KDM4B: variants seen among roughly 807,000 people sequenced by gnomAD.
The protein encoded by KDM4B is lysine demethylase 4B.
A neutral mutation model predicts 125.2 loss-of-function variants in KDM4B; 32 were observed. The observed-to-expected ratio is 0.26, with a 90% CI of 0.19 to 0.34. The LOEUF is 0.34. Among genes scored for constraint, KDM4B ranks in the 10% least tolerant of loss-of-function variants. The pLI, the probability that KDM4B is intolerant of heterozygous loss-of-function variation, is 1.00. For synonymous variants in KDM4B, 721 were observed against 677.9 expected (o/e 1.06, Z -0.99); for missense variants, 1,190 against 1,577.7 (o/e 0.75, Z 4.16).
intron 6 of KDM4B, among the ~76,000 whole-genome samples, chr19:5,056,306 G>T (rs1195754416): frequency 6.6e-6 from 1 of 152,158 alleles, no homozygotes; most frequent in African/African-American, 2.4e-5. Flanking sequence ...CCCGGCTTGG[G>T]TGTGGATGTC....
At chr19:5,046,125 G>C (rs2037017461) in intron 5 of KDM4B, among the ~76,000 whole-genome samples, 1 of 152,218 alleles carries the variant, frequency 6.6e-6, no homozygotes, top group African/African-American at 2.4e-5. Flanking sequence ...TGCACTGCCT[G>C]CACTTGGCCT....
At chr19:5,118,555 G>A (rs2039300095) in intron 10 of KDM4B, among the ~76,000 whole-genome samples, 1 of 152,150 alleles carries the variant, frequency 6.6e-6, no homozygotes, top group Admixed American at 6.5e-5. Flanking sequence ...CGGCTTCTCT[G>A]CACTCCCGGC....
In KDM4B at chr19:5,115,231, C is replaced by T. The variant is rs1292255043; in HGVS notation, c.1115+4413C>T. ...GCTGCAGGGGGAATGTACCACGGGG[C>T]CTCAGAAAGACACAGCGGGCAAACA... On this transcript the variant is annotated intron_variant, in intron 10 of 22. Coordinates refer to ENST00000159111, the MANE Select transcript of KDM4B (RefSeq NM_015015.3). The surrounding 1 kb of genome is among the most constrained non-coding windows in gnomAD (Gnocchi z 4.2). Among the ~76,000 whole-genome samples, 1 of 152,120 alleles carries T rather than the reference C, an allele frequency of 6.6e-6. No homozygotes were observed. Among genetic ancestry groups the T allele is most frequent in the Non-Finnish European group, 1.5e-5 (1 of 68,024 alleles).
intron 21 of KDM4B, among the ~76,000 whole-genome samples, chr19:5,149,891 C>T (rs1236950555): frequency 2.0e-5 from 3 of 152,230 alleles, no homozygotes; most frequent in Non-Finnish European, 4.4e-5. Flanking sequence ...TGTCCTTCAC[C>T]TTCTGGTTGG....
rs16992785 is a variant in KDM4B, at chr19:5,063,475, C to T, written c.627-7535C>T. On this transcript the variant is annotated intron_variant, in intron 6 of 22. Transcript: ENST00000159111. Reference sequence around the variant, plus strand: ...CACTGTCCCTTTAGATGAAGGTCATCGGGCAGGATTCATTAAAACCACCTG... The same window carrying T: ...CACTGTCCCTTTAGATGAAGGTCATTGGGCAGGATTCATTAAAACCACCTG... Among the ~76,000 whole-genome samples the T allele has an allele frequency of 5.0e-3, 760 of 152,276 alleles. 6 individuals are homozygous for T. The highest frequency in any genetic ancestry group is 0.018 in the African/African-American group (732 of 41,550).
intron 9 of KDM4B, among the ~76,000 whole-genome samples, chr19:5,085,708 G>A (rs1221123516): frequency 6.6e-6 from 1 of 152,208 alleles, no homozygotes; most frequent in Non-Finnish European, 1.5e-5. Flanking sequence ...AGGCACCCCT[G>A]GTGTAGTCAG....
Position 5,037,218 on chromosome 19 carries a change from T to G in KDM4B, c.142-2618T>G, listed in dbSNP as rs2036656671. ...GCGTGGATTTGGAGCCGGGCCAGGTTCATGGAACCCTCCTGCAGAAGCAGA... is the reference window on the plus strand; with the variant it reads ...GCGTGGATTTGGAGCCGGGCCAGGTGCATGGAACCCTCCTGCAGAAGCAGA... On this transcript the variant is annotated intron_variant, in intron 3 of 22. Transcript: ENST00000159111. Among the ~76,000 whole-genome samples the G allele has an allele frequency of 3.9e-5, 6 of 152,156 alleles. No homozygotes were observed. The South Asian group carries it at 1.2e-3, about 32-fold the overall frequency.
Position 5,131,486 on chromosome 19 carries a change from G to T in KDM4B, c.1726G>T (p.Gly576Cys). Residue 576 changes from glycine (G) to cysteine (C), a missense_variant, in exon 12 of 23, where the codon GGT (glycine) becomes TGT (cysteine). Around this residue, in one of 7 missense-constraint regions of KDM4B, gnomAD observed 428 missense variants for 405.1 expected, o/e 1.06. Coordinates refer to ENST00000159111, the MANE Select transcript of KDM4B (RefSeq NM_015015.3). Reference sequence around the variant, plus strand: ...CATGGAGCTGACGGGGCCAGAGGACGGTGCAGCCAGCAGTGGGGCAGGTCG... The same window carrying T: ...CATGGAGCTGACGGGGCCAGAGGACTGTGCAGCCAGCAGTGGGGCAGGTCG... The part of the protein sequence containing the change: ...SPMELTGPED[G>C]AASSGAGRME... 1.9e-6 allele frequency: 3 copies of T among 1,600,270 alleles called. No homozygotes were observed. Among genetic ancestry groups the T allele is most frequent in the Non-Finnish European group, 1.7e-6 (2 of 1,178,116 alleles).
chr19:4,999,854 TATCC>T (rs1304343804), intron 1 of KDM4B, among the ~76,000 whole-genome samples: 3 of 107,236 alleles, frequency 2.8e-5, no homozygotes, highest in South Asian at 3.5e-4. Flanking sequence ...CCTATCCATC[TATCC>T]ATCCATCCAT....
rs1348383469 is a variant in KDM4B at position 5,130,376 on chromosome 19, C to G, written c.1316-700C>G. Among the ~76,000 whole-genome samples, 7 of 151,614 alleles carry G rather than the reference C, an allele frequency of 4.6e-5. No individual in the cohort carries two copies. The Admixed American group carries it at 4.6e-4, about 10-fold the overall frequency. ...TATTTACTGCAAACCCGTCCTGGCCCCAAAGTAAAATGCCACCAAACACAT... is the reference window on the plus strand; with the variant it reads ...TATTTACTGCAAACCCGTCCTGGCCGCAAAGTAAAATGCCACCAAACACAT... On this transcript the variant is annotated intron_variant, in intron 11 of 22. Coordinates refer to ENST00000159111, the MANE Select transcript of KDM4B (RefSeq NM_015015.3).
At chr19:5,130,088 C>T (rs370489705) in intron 11 of KDM4B, among the ~76,000 whole-genome samples, 15 of 152,314 alleles carry the variant, frequency 9.8e-5, no homozygotes, top group African/African-American at 3.6e-4. Flanking sequence ...TCTCCCTTCA[C>T]AGGCACAGCG....
rs889298668 is a variant in KDM4B, at chr19:5,035,903, G to A, written c.141+2872G>A. Among the ~76,000 whole-genome samples, 12 of 131,536 alleles carry A rather than the reference G, an allele frequency of 9.1e-5. No individual in the cohort carries two copies. The highest frequency in any genetic ancestry group is 2.6e-4 in the South Asian group (1 of 3,910). 86.3% of individuals were successfully genotyped at this position (131,536 alleles called of 152,430 possible). ...TGTGCGCGCGCGCGCGCGCCTGCGCGCACAGGAGACTGAGGTGGGGAGGCA... is the reference window on the plus strand; with the variant it reads ...TGTGCGCGCGCGCGCGCGCCTGCGCACACAGGAGACTGAGGTGGGGAGGCA... On this transcript the variant is annotated intron_variant, in intron 3 of 22. Coordinates refer to ENST00000159111, the MANE Select transcript of KDM4B (RefSeq NM_015015.3). The surrounding 1 kb of genome is among the most constrained non-coding windows in gnomAD (Gnocchi z 5.3).
intron 1 of KDM4B, among the ~76,000 whole-genome samples, chr19:4,970,046 G>T (rs2034199419): frequency 6.6e-6 from 1 of 152,016 alleles, no homozygotes; most frequent in Admixed American, 6.6e-5. Flanking sequence ...TGTGTCCCCC[G>T]TGGACATCCC....
At chr19:5,083,310 CG>C (rs2038362450) in intron 9 of KDM4B, among the ~76,000 whole-genome samples, 1 of 152,182 alleles carries the variant, frequency 6.6e-6, no homozygotes, top group South Asian at 2.1e-4. Flanking sequence ...ACGGGTGGGA[CG>C]GGGTCGCCTT....
intron 1 of KDM4B, among the ~76,000 whole-genome samples, chr19:4,975,264 AGTGTGCCT>A (rs2034405928): frequency 6.6e-6 from 1 of 152,178 alleles, no homozygotes; most frequent in African/African-American, 2.4e-5. Context: ...CCCGTGGGCG[AGTGTGCCT>A]GTGTTTCAGT....
chr19:5,013,656 G>GA (rs1487265151), intron 1 of KDM4B, among the ~76,000 whole-genome samples: 1 of 152,192 alleles, frequency 6.6e-6, no homozygotes, highest in Non-Finnish European at 1.5e-5. Flanking sequence ...TCCAGGCCTT[G>GA]ACTCTCACCC....
intron 2 of KDM4B, among the ~76,000 whole-genome samples, chr19:5,025,261 C>T (rs376662065): frequency 2.6e-5 from 4 of 152,218 alleles, no homozygotes; most frequent in Non-Finnish European, 5.9e-5. Context: ...ATGAGGGGAT[C>T]GCTAAGCCCA....
intron 1 of KDM4B, among the ~76,000 whole-genome samples, chr19:4,999,653 C>G (rs73540656): frequency 6.6e-6 from 1 of 152,106 alleles, no homozygotes; most frequent in Admixed American, 6.5e-5. Flanking sequence ...ACATTTGTAT[C>G]CATCTCTGCA....
Position 5,019,868 on chromosome 19 carries a change from G to GGGTGTGCAGGTGTT in KDM4B, c.-26+3544_-26+3557dup, listed in dbSNP as rs1457558377. Among the ~76,000 whole-genome samples the GGGTGTGCAGGTGTT allele has an allele frequency of 6.5e-4, 91 of 139,626 alleles. 3 individuals are homozygous for GGGTGTGCAGGTGTT. Among genetic ancestry groups the GGGTGTGCAGGTGTT allele is most frequent in the African/African-American group, 2.4e-3 (86 of 36,542 alleles). The allele number at this position is 139,626 out of a possible 152,430, so 91.6% of individuals were successfully genotyped here. On this transcript the variant is annotated intron_variant, in intron 2 of 22. Coordinates refer to ENST00000159111, the MANE Select transcript of KDM4B (RefSeq NM_015015.3). Reference sequence around the variant, plus strand: ...GACGTTGGTGTGCAGGTGTCGGTGTGGGTGTGCAGGTGTTGGTGTGCAGGT... The same window carrying GGGTGTGCAGGTGTT: ...GACGTTGGTGTGCAGGTGTCGGTGTGGGTGTGCAGGTGTTGGTGTGCAGGTGTTGGTGTGCAGGT...
Sources: gnomAD v4.1 joint callset for allele counts (sites outside exome capture counted in the v4.1 genomes callset) on GRCh38, gnomAD v4.1.1 for gene constraint, gnomAD v4.1.1 regional missense constraint, Gnocchi (gnomAD v3.1) non-coding constraint, MANE v1.5 for transcripts, NCBI Gene and HGNC (gene_info 2026-07-23, HGNC 2026-07-21) for gene names.